PTPRM: variants seen among roughly 807,000 people sequenced by gnomAD.
PTPRM encodes the protein protein tyrosine phosphatase receptor type M, also known as receptor-type tyrosine-protein phosphatase mu.
A neutral mutation model predicts 186.7 loss-of-function variants in PTPRM; 47 were observed. That is an observed-to-expected ratio of 0.25 (90% CI 0.20 to 0.32). The LOEUF (loss-of-function observed/expected upper bound fraction) is 0.32. Among genes scored for constraint, PTPRM ranks in the 10% least tolerant of loss-of-function variants. PTPRM has a pLI of 1.00. For missense variants in PTPRM, 1,494 were observed against 1,865.0 expected, an observed-to-expected ratio of 0.80 and a Z score of 3.66; for synonymous variants, 668 against 674.9, an observed-to-expected ratio of 0.99 and a Z score of 0.16.
chr18:7,569,735 C>G (rs1245728072), intron 1 of PTPRM, among the ~76,000 whole-genome samples: 1 of 152,158 alleles, frequency 6.6e-6, no homozygotes, highest in Non-Finnish European at 1.5e-5. Context: ...TTGTACTGAC[C>G]CATGTCCTTG....
intron 14 of PTPRM, among the ~76,000 whole-genome samples, chr18:8,192,819 G>A (rs527880878): frequency 2.6e-5 from 4 of 152,260 alleles, no homozygotes; most frequent in South Asian, 2.1e-4. Context: ...TGACCTTCAA[G>A]TGTCACCTAT....
At chr18:8,166,649 G>A (rs2093328216) in intron 14 of PTPRM, among the ~76,000 whole-genome samples, 2 of 152,140 alleles carry the variant, frequency 1.3e-5, no homozygotes, top group Admixed American at 1.3e-4. Flanking sequence ...TTAAGCATCT[G>A]CCTCTTACTA....
intron 12 of PTPRM, among the ~76,000 whole-genome samples, chr18:8,114,266 A>C (rs2145721032): frequency 6.6e-6 from 1 of 152,292 alleles, no homozygotes; most frequent in South Asian, 2.1e-4. Context: ...CAAAATAAAA[A>C]GTGTCATTTC....
At chr18:7,613,686 A>T (rs2037734441) in intron 1 of PTPRM, among the ~76,000 whole-genome samples, 1 of 151,866 alleles carries the variant, frequency 6.6e-6, no homozygotes, top group Non-Finnish European at 1.5e-5. Flanking sequence ...AAAAAAAAAA[A>T]TACCCTGAGA....
chr18:8,204,583 G>A (rs771760838), intron 14 of PTPRM, among the ~76,000 whole-genome samples: 1 of 152,036 alleles, frequency 6.6e-6, no homozygotes, highest in Non-Finnish European at 1.5e-5. Context: ...ACCCAAGCTT[G>A]ACAGCTGCCT....
chr18:8,100,542 C>G (rs1048892005), intron 11 of PTPRM, among the ~76,000 whole-genome samples: 1 of 152,194 alleles, frequency 6.6e-6, no homozygotes, highest in South Asian at 2.1e-4. Flanking sequence ...AGGATCTGCT[C>G]CCATGACCAA....
At chr18:8,255,411 A>G (rs1036799850) in intron 19 of PTPRM, among the ~76,000 whole-genome samples, 4 of 152,354 alleles carry the variant, frequency 2.6e-5, no homozygotes, top group East Asian at 3.9e-4. Flanking sequence ...TTTCCCATTC[A>G]GATCTTTTGA....
intron 2 of PTPRM, among the ~76,000 whole-genome samples, chr18:7,839,070 C>T (rs542076061): frequency 6.6e-6 from 1 of 152,204 alleles, no homozygotes; most frequent in African/African-American, 2.4e-5. Flanking sequence ...TCTGGACTCA[C>T]CCTTCATAGC....
intron 4 of PTPRM, among the ~76,000 whole-genome samples, chr18:7,921,246 T>A (rs1008498765): frequency 6.6e-6 from 1 of 152,178 alleles, no homozygotes; most frequent in Admixed American, 6.5e-5. Flanking sequence ...TATTTTTCAG[T>A]ATTTTGTAGA....
intron 22 of PTPRM, among the ~76,000 whole-genome samples, chr18:8,336,339 G>T (rs2148202075): frequency 6.6e-6 from 1 of 152,114 alleles, no homozygotes; most frequent in East Asian, 1.9e-4. Flanking sequence ...CAGGCAGATT[G>T]CTTGAATCTA....
Position 7,837,176 on chromosome 18 carries a change from A to G in PTPRM, c.197-50930A>G, listed in dbSNP as rs148520941. Among the ~76,000 whole-genome samples, 92 of 152,128 alleles carry G rather than the reference A, an allele frequency of 6.0e-4. No homozygotes were observed. In the East Asian group the frequency reaches 0.016, roughly 27 times the overall value. ...TTTTTGAGGCTATTTTCTAGTTCCT[A>G]TAGGTGTGCTTCATTTTTTAAAATT... On this transcript the variant is annotated intron_variant, in intron 2 of 32. Transcript: ENST00000580170.
intron 5 of PTPRM, among the ~76,000 whole-genome samples, chr18:7,939,313 A>G (rs1324490360): frequency 6.6e-6 from 1 of 152,218 alleles, no homozygotes; most frequent in East Asian, 1.9e-4. Flanking sequence ...GAGCAGCTCC[A>G]AAATGCCTGA....
chr18:7,867,834 A>G (rs537832951), intron 2 of PTPRM, among the ~76,000 whole-genome samples: 35 of 152,312 alleles, frequency 2.3e-4, no homozygotes, highest in East Asian at 3.9e-4. Flanking sequence ...AGGTACACCA[A>G]TCAAGCATAG....
At chr18:8,262,779 T>C (rs1341958005) in intron 19 of PTPRM, among the ~76,000 whole-genome samples, 1 of 152,366 alleles carries the variant, frequency 6.6e-6, no homozygotes, top group East Asian at 1.9e-4. Flanking sequence ...ATTCAGTACG[T>C]ATTTGACAAA....
At position 8,304,797 on chromosome 18, in the gene PTPRM, CTA is replaced by C. The variant is rs202010647; in HGVS notation, c.2842+8344_2842+8345del. On this transcript the variant is annotated intron_variant, in intron 20 of 32. Transcript: ENST00000580170. Reference sequence around the variant, plus strand: ...GTTTCATTCCAGTCTTCTTATTTTTCTATCTCTTGAAGCTGTTGACTTTATTT... The same window carrying C: ...GTTTCATTCCAGTCTTCTTATTTTTCTCTCTTGAAGCTGTTGACTTTATTT... Among the ~76,000 whole-genome samples, 1,090 of 148,150 alleles carry C rather than the reference CTA, an allele frequency of 7.4e-3. 10 individuals are homozygous for C. The highest frequency in any genetic ancestry group is 0.026 in the African/African-American group (1,046 of 40,152).
At chr18:8,398,173 G>C (rs1352130562) in intron 32 of PTPRM, among the ~76,000 whole-genome samples, 2 of 151,882 alleles carry the variant, frequency 1.3e-5, no homozygotes, top group Non-Finnish European at 2.9e-5. Flanking sequence ...TTTAGAGATG[G>C]GAGTCTTGCA....
At chr18:7,818,881 A>C (rs894632570) in intron 2 of PTPRM, among the ~76,000 whole-genome samples, 2 of 152,206 alleles carry the variant, frequency 1.3e-5, no homozygotes, top group Admixed American at 6.5e-5. Context: ...AGCTGGATAC[A>C]TACAATGTGT....
chr18:8,379,488 C>A, intron 28 of PTPRM, 148 bp downstream of exon 28: 1 of 902,630 alleles, frequency 1.1e-6, no homozygotes, highest in South Asian at 2.2e-5. Flanking sequence ...ATTTCAGATT[C>A]CACGTATGTT....
intron 7 of PTPRM, among the ~76,000 whole-genome samples, chr18:7,982,571 G>C (rs992588868): frequency 2.6e-5 from 4 of 151,432 alleles, no homozygotes; most frequent in African/African-American, 9.7e-5. Context: ...TATTAAAAAA[G>C]TATATTATAG....
Sources: allele counts gnomAD v4.1 joint callset (sites outside exome capture counted in the v4.1 genomes callset), GRCh38; gene constraint gnomAD v4.1.1; transcripts MANE v1.5; gene names NCBI Gene and HGNC (gene_info 2026-07-23, HGNC 2026-07-21).